Variants in SASH1 observed in about 807,000 individuals in gnomAD.
SASH1 encodes SAM and SH3 domain-containing protein 1.
SASH1 carries 44 observed loss-of-function variants against 125.2 expected under a neutral mutation model. That is an observed-to-expected ratio of 0.35 (90% CI 0.28 to 0.45). SASH1 has a LOEUF of 0.45. Among genes scored for constraint, SASH1 ranks in the 20% least tolerant of loss-of-function variants. The pLI, the probability that SASH1 is intolerant of heterozygous loss-of-function variation, is 1.00. For synonymous variants in SASH1, 639 were observed against 649.1 expected (o/e 0.98, Z 0.24); for missense variants, 1,426 against 1,614.5 (o/e 0.88, Z 2.00).
the SASH1 span, among the ~76,000 whole-genome samples, chr6:148,240,317 G>A: frequency 1.8e-4 from 27 of 152,092 alleles, 1 homozygote; most frequent in Non-Finnish European, 2.9e-5. Context: ...TAAGTGTAGG[G>A]TAAATTCAAA....
intron 1 of SASH1, among the ~76,000 whole-genome samples, chr6:148,301,391 G>A (rs1412749328): frequency 1.3e-5 from 2 of 148,166 alleles, no homozygotes; most frequent in African/African-American, 2.5e-5. Context: ...TCTGCTTCCC[G>A]AGTAGCTGGG....
chr6:148,395,651 C>T (rs577170761), intron 2 of SASH1, among the ~76,000 whole-genome samples: 363 of 152,310 alleles, frequency 2.4e-3, no homozygotes, highest in Non-Finnish European at 4.0e-3. Context: ...CACAGCCTTT[C>T]CCTCTGCTGG....
At chr6:148,243,349 C>G in the SASH1 span, among the ~76,000 whole-genome samples, 1 of 151,924 alleles carries the variant, frequency 6.6e-6, no homozygotes, top group Non-Finnish European at 1.5e-5. Context: ...ACTCGGGAGG[C>G]TGAGGCAGGA....
intron 2 of SASH1, among the ~76,000 whole-genome samples, chr6:148,438,494 C>T (rs545354801): frequency 6.6e-6 from 1 of 152,178 alleles, no homozygotes; most frequent in Non-Finnish European, 1.5e-5. Flanking sequence ...ATATGTCTGT[C>T]ATGAACAGCG....
At chr6:148,288,152 C>A (rs1433166646) in intron 1 of SASH1, among the ~76,000 whole-genome samples, 1 of 143,966 alleles carries the variant, frequency 6.9e-6, no homozygotes, top group Non-Finnish European at 1.6e-5. Context: ...AACCCGCGGG[C>A]CCCAGCTGTC....
chr6:148,299,671 G>GA (rs57758957), intron 1 of SASH1, among the ~76,000 whole-genome samples: 12,821 of 114,874 alleles, frequency 0.11, 738 homozygotes, highest in African/African-American at 0.17. Flanking sequence ...CACCTCAAAA[G>GA]AAAAAAAAAA....
intron 8 of SASH1, among the ~76,000 whole-genome samples, chr6:148,496,126 G>A (rs930004346): frequency 1.3e-5 from 2 of 152,128 alleles, no homozygotes; most frequent in African/African-American, 4.8e-5. Context: ...GGAATTATAG[G>A]CGTGTTTGAT....
At chr6:148,243,385 G>A in the SASH1 span, among the ~76,000 whole-genome samples, 6 of 151,862 alleles carry the variant, frequency 4.0e-5, 1 homozygote, top group East Asian at 1.2e-3. Flanking sequence ...GGGAGGTGGA[G>A]GTTGAGGTGA....
At chr6:148,487,920 T>G (rs1305201272) in intron 8 of SASH1, among the ~76,000 whole-genome samples, 5 of 133,944 alleles carry the variant, frequency 3.7e-5, no homozygotes, top group East Asian at 1.9e-4. Flanking sequence ...GGGGTTTTGT[T>G]TTTTTTTTTT....
chr6:148,521,831 T>C (rs1418378043), intron 10 of SASH1, among the ~76,000 whole-genome samples: 1 of 152,252 alleles, frequency 6.6e-6, no homozygotes, highest in Non-Finnish European at 1.5e-5. Context: ...ATGACCTTGA[T>C]AGAACAGACG....
At chr6:148,344,907 C>T (rs1418220284) in intron 1 of SASH1, among the ~76,000 whole-genome samples, 1 of 152,138 alleles carries the variant, frequency 6.6e-6, no homozygotes, top group Non-Finnish European at 1.5e-5. Flanking sequence ...AGGCGCGCAA[C>T]ACCACACCCG....
the SASH1 span, among the ~76,000 whole-genome samples, chr6:148,249,192 G>A: frequency 6.6e-6 from 1 of 152,152 alleles, no homozygotes; most frequent in Non-Finnish European, 1.5e-5. Context: ...GTCTAACAAA[G>A]AATATACAGG....
chr6:148,545,189 T>C (rs142324614), intron 18 of SASH1, among the ~76,000 whole-genome samples: 1 of 152,248 alleles, frequency 6.6e-6, no homozygotes, highest in Non-Finnish European at 1.5e-5. Context: ...ACCAAAAACA[T>C]TTAGCTGTAT....
At chr6:148,431,929 A>G (rs1281048257) in intron 2 of SASH1, among the ~76,000 whole-genome samples, 1 of 152,082 alleles carries the variant, frequency 6.6e-6, no homozygotes, top group East Asian at 1.9e-4. Flanking sequence ...TGTCATAAGC[A>G]GGAAACCAAA....
intron 1 of SASH1, among the ~76,000 whole-genome samples, chr6:148,281,572 G>C (rs1032711100): frequency 6.6e-6 from 1 of 152,148 alleles, no homozygotes; most frequent in African/African-American, 2.4e-5. Context: ...TCATGGTTCT[G>C]TCAGAGCTCG....
At chr6:148,376,477 G>A (rs1782896315) in intron 1 of SASH1, among the ~76,000 whole-genome samples, 1 of 152,140 alleles carries the variant, frequency 6.6e-6, no homozygotes, top group Non-Finnish European at 1.5e-5. Context: ...TAGCTTCTGG[G>A]TGGGGCTTAT....
chr6:148,245,617 A>T, the SASH1 span, among the ~76,000 whole-genome samples: 1 of 152,264 alleles, frequency 6.6e-6, no homozygotes, highest in Non-Finnish European at 1.5e-5. Context: ...TTCGGAAGAC[A>T]TGTTAGTGAG....
At chr6:148,449,456 C>G (rs185573477) in intron 4 of SASH1, among the ~76,000 whole-genome samples, 1 of 150,648 alleles carries the variant, frequency 6.6e-6, no homozygotes, top group African/African-American at 2.4e-5. Flanking sequence ...GGTGCAATCT[C>G]GGCTCACTGC....
intron 11 of SASH1, 130 bp downstream of exon 11, chr6:148,525,495 A>G (rs948987984): frequency 1.3e-5 from 10 of 757,836 alleles, no homozygotes; most frequent in East Asian, 7.5e-5. Context: ...CACGTTTGGA[A>G]AAAAGCTCTA....
Sources: gnomAD v4.1 joint callset for allele counts (sites outside exome capture counted in the v4.1 genomes callset) on GRCh38, gnomAD v4.1.1 for gene constraint, MANE v1.5 for transcripts, NCBI Gene and HGNC (gene_info 2026-07-23, HGNC 2026-07-21) for gene names.